Variants in MGRN1 observed in about 807,000 individuals in gnomAD.
The protein encoded by MGRN1 is mahogunin ring finger 1.
MGRN1 carries 29 observed loss-of-function variants against 69.2 expected under a neutral mutation model. That is an observed-to-expected ratio of 0.42 (90% CI 0.31 to 0.57). MGRN1 has a LOEUF of 0.57. Among genes scored for constraint, MGRN1 ranks in the 20% least tolerant of loss-of-function variants. The pLI is 0.15. For synonymous variants in MGRN1, 470 were observed against 344.2 expected (o/e 1.37, Z -4.04); for missense variants, 998 against 796.2 (o/e 1.25, Z -3.05).
chr16:4,687,193 G>T (rs1454091992), intron 16 of MGRN1: 21 of 957,818 alleles, frequency 2.2e-5, no homozygotes, highest in Middle Eastern at 5.3e-4. Flanking sequence ...GCCCTGTGAG[G>T]TTGGCATCCC....
At chr16:4,657,121 C>G (rs538248613) in intron 4 of MGRN1, 125 bp from the exon 5 acceptor site, 1 of 885,378 alleles carries the variant, frequency 1.1e-6, no homozygotes, top group Non-Finnish European at 1.8e-6. Flanking sequence ...GTTTGCTGTT[C>G]CCCATGAGAG....
intron 10 of MGRN1, among the ~76,000 whole-genome samples, chr16:4,675,718 G>C (rs1289423252): frequency 6.6e-6 from 1 of 151,330 alleles, no homozygotes; most frequent in Non-Finnish European, 1.5e-5. Context: ...TGAGAGACAG[G>C]GGAAGACCCT....
intron 7 of MGRN1, 42 bp from the exon 8 acceptor site, chr16:4,668,223 C>A: frequency 1.2e-6 from 2 of 1,602,676 alleles, no homozygotes; most frequent in East Asian, 4.5e-5. Context: ...CTCAGAGGCG[C>A]CAGCTTGACC....
chr16:4,668,683 C>T (rs923645183), intron 8 of MGRN1, among the ~76,000 whole-genome samples: 70 of 151,652 alleles, frequency 4.6e-4, no homozygotes, highest in Non-Finnish European at 3.1e-4. Context: ...TACATAGACA[C>T]ACTCGTACAC....
In MGRN1 at chr16:4,672,054, C is replaced by T. The variant is rs141768641; in HGVS notation, c.795+595C>T. On this transcript the variant is annotated intron_variant, in intron 9 of 16. Coordinates refer to ENST00000262370, the MANE Select transcript of MGRN1 (RefSeq NM_015246.4). ...CTGAGTAGCTGGGACCACAGGCACG[C>T]GCCACCACACCCGGCTAATTTTTTG... is the stretch of plus-strand genomic sequence containing the variant. 4.3e-3 allele frequency among the ~76,000 whole-genome samples: 660 copies of T among 152,088 alleles called. 2 individuals are homozygous for T. Among genetic ancestry groups the T allele is most frequent in the Non-Finnish European group, 6.9e-3 (467 of 67,972 alleles).
intron 8 of MGRN1, chr16:4,669,249 C>T (rs1015981981): frequency 6.6e-6 from 1 of 152,138 alleles, no homozygotes; most frequent in African/African-American, 2.4e-5. Flanking sequence ...GCTTGGCCAA[C>T]ATGGTGAGAC....
At chr16:4,685,977 G>C (rs1255077414) in intron 16 of MGRN1, among the ~76,000 whole-genome samples, 1 of 152,216 alleles carries the variant, frequency 6.6e-6, no homozygotes, top group Non-Finnish European at 1.5e-5. Flanking sequence ...TGAAACCAGA[G>C]GTGGACTGCG....
At chr16:4,656,564 A>G (rs953253343) in intron 4 of MGRN1, among the ~76,000 whole-genome samples, 3 of 152,280 alleles carry the variant, frequency 2.0e-5, no homozygotes, top group Middle Eastern at 3.4e-3. Context: ...CACTGTGTAT[A>G]CTTAAGTACT....
intron 5 of MGRN1, among the ~76,000 whole-genome samples, chr16:4,663,037 G>A (rs891701912): frequency 1.3e-5 from 2 of 152,214 alleles, no homozygotes; most frequent in African/African-American, 4.8e-5. Flanking sequence ...GGGCCTGCCA[G>A]GCCTTTCCTA....
chr16:4,687,825 G>C, intron 16 of MGRN1: 1 of 985,416 alleles, frequency 1.0e-6, no homozygotes, highest in South Asian at 4.7e-5. Context: ...GGAGAACTTC[G>C]CTTCTTTTGA....
At chr16:4,628,425 A>G (rs1329097667) in intron 1 of MGRN1, among the ~76,000 whole-genome samples, 2 of 151,402 alleles carry the variant, frequency 1.3e-5, no homozygotes, top group Non-Finnish European at 2.9e-5. Flanking sequence ...TGAAGCAACA[A>G]CAACAAAAAA....
chr16:4,630,354 CA>C (rs112834942), intron 1 of MGRN1, among the ~76,000 whole-genome samples: 70 of 118,344 alleles, frequency 5.9e-4, no homozygotes, highest in Admixed American at 1.3e-3. Flanking sequence ...GACGCCGTCT[CA>C]AAAAAAAAAA....
chr16:4,666,915 T>TTG, intron 7 of MGRN1, among the ~76,000 whole-genome samples: 1 of 152,136 alleles, frequency 6.6e-6, no homozygotes. Context: ...GGACGAGGGG[T>TTG]TGCTGCCCAC....
rs576003292 is a variant in MGRN1 at position 4,682,953 on chromosome 16, C to A, written c.1482+7C>A. 5.8e-6 allele frequency: 9 copies of A among 1,549,528 alleles called. No individual in the cohort carries two copies. The highest frequency in any genetic ancestry group is 1.9e-5 in the Admixed American group (1 of 51,350). The stretch of plus-strand genomic sequence containing the variant: ...GGAAAGCAGCTCCCCTGAGGTGAGG[C>A]CCCCCCGGGGAAGCTTTGCGCACCC... On this transcript the variant is annotated splice_region_variant and intron_variant, in intron 14 of 16. Coordinates refer to ENST00000262370, the MANE Select transcript of MGRN1 (RefSeq NM_015246.4).
chr16:4,683,318 C>T, intron 15 of MGRN1, 49 bp downstream of exon 15: 1 of 1,604,850 alleles, frequency 6.2e-7, no homozygotes, highest in Non-Finnish European at 8.5e-7. Flanking sequence ...GACCAGGCAG[C>T]CCTGGCTTAC....
Position 4,690,875 on chromosome 16 carries a change from C to T in MGRN1, c.*1967C>T, listed in dbSNP as rs1467968202. On this transcript the variant is annotated 3_prime_UTR_variant, in exon 17 of 17. Transcript: ENST00000262370. ...CGTGAAGTTCGGGCCGCAGAGTGGC[C>T]CGCTGGGACTCCCATGTGCTGCCGT... The T allele has an allele frequency of 6.7e-6, 1 of 150,288 alleles. No homozygotes were observed. Among genetic ancestry groups the T allele is most frequent in the Non-Finnish European group, 1.5e-5 (1 of 67,664 alleles). The allele number at this position is 150,288 out of a possible 1,614,324, so 9.3% of individuals were successfully genotyped here.
intron 1 of MGRN1, among the ~76,000 whole-genome samples, chr16:4,628,667 C>T (rs1364491186): frequency 1.3e-5 from 2 of 152,104 alleles, no homozygotes; most frequent in Non-Finnish European, 2.9e-5. Context: ...GTTTCAGCCT[C>T]CTGAGTAGCT....
chr16:4,652,050 A>C lies in MGRN1; in HGVS notation c.295A>C (p.Arg99=). The stretch of plus-strand genomic sequence containing the variant: ...CCGCAAAGACTCCCTGCGGCTGGTG[A>C]GGTAACTTCACCCTGCCCCTGGGGA... ...NIRKDSLRLV[R]YKDDADSPTE... Residue 99 remains arginine, a splice_region_variant and synonymous_variant, in exon 3 of 17, where the codon AGG becomes CGG. Coordinates refer to ENST00000262370, the MANE Select transcript of MGRN1 (RefSeq NM_015246.4). 1.2e-6 allele frequency: 2 copies of C among 1,613,842 alleles called. No individual in the cohort carries two copies. Among genetic ancestry groups the C allele is most frequent in the Non-Finnish European group, 1.7e-6 (2 of 1,179,820 alleles).
intron 1 of MGRN1, among the ~76,000 whole-genome samples, chr16:4,639,601 G>C (rs907045186): frequency 2.0e-5 from 3 of 152,204 alleles, no homozygotes; most frequent in African/African-American, 4.8e-5. Flanking sequence ...GATGCACAGC[G>C]TCTGCCCCCT....
Sources: gnomAD v4.1 joint callset for allele counts (sites outside exome capture counted in the v4.1 genomes callset) on GRCh38, gnomAD v4.1.1 for gene constraint, MANE v1.5 for transcripts, NCBI Gene and HGNC (gene_info 2026-07-23, HGNC 2026-07-21) for gene names.